Variants in TASP1 observed in about 807,000 individuals in gnomAD.
TASP1 encodes threonine aspartase 1.
A neutral mutation model predicts 56.6 loss-of-function variants in TASP1; 16 were observed. That is an observed-to-expected ratio of 0.28 (90% CI 0.19 to 0.43). The LOEUF (loss-of-function observed/expected upper bound fraction) is 0.43. Among genes scored for constraint, TASP1 ranks in the 20% least tolerant of loss-of-function variants. TASP1 has a pLI of 1.00. For missense variants in TASP1, 393 were observed against 511.6 expected, an observed-to-expected ratio of 0.77 and a Z score of 2.24; for synonymous variants, 179 against 184.2, an observed-to-expected ratio of 0.97 and a Z score of 0.23.
At chr20:13,545,077 T>C (rs2045757904) in intron 8 of TASP1, among the ~76,000 whole-genome samples, 1 of 152,168 alleles carries the variant, frequency 6.6e-6, no homozygotes, top group East Asian at 1.9e-4. Context: ...CAAATGGCCA[T>C]ATAATTATGA....
chr20:13,601,865 AT>A (rs2047970029), intron 4 of TASP1, among the ~76,000 whole-genome samples: 1 of 102,300 alleles, frequency 9.8e-6, no homozygotes, highest in Admixed American at 1.1e-4. Context: ...CCATAACCCC[AT>A]TCTTTTTTTT....
At chr20:13,306,564 C>CAAAAAAAAAAAAAAAAAAGA in the TASP1 span, among the ~76,000 whole-genome samples, 1 of 63,914 alleles carries the variant, frequency 1.6e-5, no homozygotes, top group Non-Finnish European at 2.6e-5. Flanking sequence ...GGAGAAAGGA[C>CAAAAAAAAAAAAAAAAAAGA]AAAAAAAAAA....
intron 11 of TASP1, among the ~76,000 whole-genome samples, chr20:13,467,997 C>G (rs752118247): frequency 6.6e-6 from 1 of 151,720 alleles, no homozygotes; most frequent in East Asian, 1.9e-4. Context: ...GCCTGAGCAA[C>G]AAAAGTAAAA....
At chr20:13,142,253 CA>C in the TASP1 span, among the ~76,000 whole-genome samples, 5 of 152,188 alleles carry the variant, frequency 3.3e-5, no homozygotes, top group Non-Finnish European at 5.9e-5. Context: ...CACTTCCTTC[CA>C]GCCGTCCCAC....
chr20:13,442,911 C>T (rs145419461), intron 11 of TASP1, among the ~76,000 whole-genome samples: 1 of 152,198 alleles, frequency 6.6e-6, no homozygotes, highest in East Asian at 1.9e-4. Flanking sequence ...ATGTTTTAGT[C>T]TTGGGATAGC....
At chr20:13,325,240 T>G in the TASP1 span, among the ~76,000 whole-genome samples, 2 of 152,190 alleles carry the variant, frequency 1.3e-5, no homozygotes, top group African/African-American at 4.8e-5. Flanking sequence ...GAGACTTATC[T>G]TTTGTTCCCA....
intron 3 of TASP1, among the ~76,000 whole-genome samples, chr20:13,624,446 C>A (rs1348931446): frequency 6.6e-6 from 1 of 152,030 alleles, no homozygotes; most frequent in Non-Finnish European, 1.5e-5. Context: ...GGACTTCATT[C>A]ATAAGAAAAA....
At chr20:13,523,770 C>A (rs1601114469) in intron 10 of TASP1, among the ~76,000 whole-genome samples, 2 of 152,204 alleles carry the variant, frequency 1.3e-5, no homozygotes, top group East Asian at 3.9e-4. Flanking sequence ...ATCAGAAATC[C>A]TTTGGCCTCA....
chr20:13,341,798 T>C, the TASP1 span, among the ~76,000 whole-genome samples: 1 of 152,198 alleles, frequency 6.6e-6, no homozygotes, highest in Non-Finnish European at 1.5e-5. Flanking sequence ...CATGCATCTG[T>C]GATGAAACGG....
At chr20:13,449,662 C>T (rs2043542967) in intron 11 of TASP1, among the ~76,000 whole-genome samples, 1 of 152,018 alleles carries the variant, frequency 6.6e-6, no homozygotes, top group African/African-American at 2.4e-5. Flanking sequence ...CTGGATTCTT[C>T]AATATTTTTC....
chr20:13,186,682 G>C, the TASP1 span, among the ~76,000 whole-genome samples: 15,224 of 152,120 alleles, frequency 0.1, 1,641 homozygotes, highest in African/African-American at 0.26. Context: ...TGCAGGGAAG[G>C]CCAAAATCAA....
At chr20:13,135,460 G>A in the TASP1 span, among the ~76,000 whole-genome samples, 1 of 152,080 alleles carries the variant, frequency 6.6e-6, no homozygotes, top group Non-Finnish European at 1.5e-5. Context: ...TTTGAAAAAA[G>A]ATGATCTGCT....
Position 13,629,824 on chromosome 20 carries a change from T to C in TASP1, c.145+110A>G, listed in dbSNP as rs533166114. 9.3e-6 allele frequency: 14 copies of C among 1,510,572 alleles called. No individual in the cohort carries two copies. In the East Asian group the frequency reaches 3.2e-4, roughly 35 times the overall value. 93.6% of individuals were successfully genotyped at this position (1,510,572 alleles called of 1,614,324 possible). ...ACAATCGCTTTGCTTCCAATTCCTC[T>C]CTGGCAGTTTTGCCTCCTCCAAGTG... On this transcript the variant is annotated intron_variant, in intron 2 of 13. Transcript: ENST00000337743.
At chr20:13,122,589 G>A in the TASP1 span, among the ~76,000 whole-genome samples, 1 of 152,180 alleles carries the variant, frequency 6.6e-6, no homozygotes. Flanking sequence ...CTGTGATTCA[G>A]TTGTTCTGTC....
chr20:13,333,150 C>A, the TASP1 span, among the ~76,000 whole-genome samples: 1 of 152,226 alleles, frequency 6.6e-6, no homozygotes, highest in African/African-American at 2.4e-5. Context: ...GGTCCCTGTG[C>A]CACTGCCCAT....
chr20:13,221,256 C>T, the TASP1 span, among the ~76,000 whole-genome samples: 3 of 138,650 alleles, frequency 2.2e-5, no homozygotes, highest in African/African-American at 9.2e-5. Flanking sequence ...CCTCCTCCTC[C>T]TCCTCCTTCT....
At chr20:13,394,007 G>A (rs142571915) in intron 13 of TASP1, among the ~76,000 whole-genome samples, 20 of 152,254 alleles carry the variant, frequency 1.3e-4, no homozygotes, top group East Asian at 7.7e-4. Context: ...TTGGACGGGC[G>A]TGGTGGCTCA....
chr20:13,550,147 T>TATACACAC lies in TASP1; in HGVS notation c.675+8860_675+8861insGTGTGTAT, dbSNP rs371692114. Reference sequence around the variant, plus strand: ...TTCCTAAATATGGAATATATACACATACACACACACACACACACACACACA... The same window carrying TATACACAC: ...TTCCTAAATATGGAATATATACACATATACACACACACACACACACACACACACACACA... On this transcript the variant is annotated intron_variant, in intron 8 of 13. Coordinates refer to ENST00000337743, the MANE Select transcript of TASP1 (RefSeq NM_017714.3). Among the ~76,000 whole-genome samples, 20 of 135,398 alleles carry TATACACAC rather than the reference T, an allele frequency of 1.5e-4. No individual in the cohort carries two copies. In the East Asian group the frequency reaches 3.7e-3, roughly 25 times the overall value. The allele number at this position is 135,398 out of a possible 152,430, so 88.8% of individuals were successfully genotyped here.
Position 13,488,565 on chromosome 20 carries a change from T to C in TASP1, c.875-5228A>G, listed in dbSNP as rs4371413. 1.9e-3 allele frequency among the ~76,000 whole-genome samples: 287 copies of C among 152,292 alleles called. 1 individual carries two copies. The highest frequency in any genetic ancestry group is 6.3e-3 in the African/African-American group (263 of 41,562). ...AGAGATTTTAACTCCCAGCTCACTT[T>C]TACTCTGCCCAACACTACTCCTTGT... is the stretch of plus-strand genomic sequence containing the variant. On this transcript the variant is annotated intron_variant, in intron 10 of 13. Coordinates refer to ENST00000337743, the MANE Select transcript of TASP1 (RefSeq NM_017714.3).
Sources: gnomAD v4.1 joint callset for allele counts (sites outside exome capture counted in the v4.1 genomes callset) on GRCh38, gnomAD v4.1.1 for gene constraint, MANE v1.5 for transcripts, NCBI Gene and HGNC (gene_info 2026-07-23, HGNC 2026-07-21) for gene names.